The following KRT80 variants were observed in gnomAD, a reference collection of about 807,000 sequenced individuals.
The protein encoded by KRT80 is keratin, type II cytoskeletal 80.
A neutral mutation model predicts 51.5 loss-of-function variants in KRT80; 36 were observed. The ratio of observed to expected loss-of-function variants is 0.70; its 90% CI spans 0.54 to 0.92. The LOEUF is 0.92. KRT80 is among the 40% of genes least tolerant of loss of function. The pLI is 0.00. For synonymous variants in KRT80, 235 were observed against 248.3 expected (o/e 0.95, Z 0.50); for missense variants, 566 against 591.7 (o/e 0.96, Z 0.45).
intron 2 of KRT80, among the ~76,000 whole-genome samples, chr12:52,183,398 G>A (rs1432634918): frequency 2.6e-5 from 4 of 152,188 alleles, no homozygotes; most frequent in Non-Finnish European, 5.9e-5. Flanking sequence ...CATCGGCTCC[G>A]TAGAGACAGG....
intron 6 of KRT80, 81 bp downstream of exon 6, chr12:52,172,957 G>A (rs200234712): frequency 2.7e-5 from 40 of 1,501,564 alleles, no homozygotes; most frequent in Non-Finnish European, 3.5e-5. Flanking sequence ...ACTCAGTCAT[G>A]TCTTGCCTGT....
intron 4 of KRT80, among the ~76,000 whole-genome samples, chr12:52,178,094 C>T (rs922172081): frequency 3.9e-5 from 6 of 152,174 alleles, no homozygotes; most frequent in Admixed American, 2.6e-4. Flanking sequence ...CCCTCTTAGC[C>T]TGCAGCAGTG....
rs202009004 is a variant in KRT80 at position 52,171,437 on chromosome 12, T to A, written c.1320A>T (p.Ser440=). Residue 440 remains serine, a synonymous_variant, in exon 9 of 9, where the codon TCA becomes TCT. Transcript: ENST00000394815. ...KGPVIKITEM[S]EKYFSQESEV... ...CCGACTCCTGCGAGAAGTACTTCTC[T>A]GACATTTCGGTGATTTTGATCACGG... 1 of 1,611,868 alleles carries A rather than the reference T, an allele frequency of 6.2e-7. No homozygotes were observed. The highest frequency in any genetic ancestry group is 1.3e-5 in the African/African-American group (1 of 74,788).
At chr12:52,187,488 C>A (rs373812554) in intron 1 of KRT80, among the ~76,000 whole-genome samples, 1 of 152,230 alleles carries the variant, frequency 6.6e-6, no homozygotes, top group Non-Finnish European at 1.5e-5. Context: ...TCAGGTGGGG[C>A]CAGCCCCTCT....
intron 4 of KRT80, among the ~76,000 whole-genome samples, chr12:52,179,722 C>T (rs1267972219): frequency 6.6e-6 from 1 of 152,238 alleles, no homozygotes; most frequent in Non-Finnish European, 1.5e-5. Context: ...TAGCTTGGCA[C>T]CAGCAGTGTG....
rs1241464960 is a variant in KRT80, at chr12:52,190,223, A to G, written c.300+1380T>C. On this transcript the variant is annotated intron_variant, in intron 1 of 8. Coordinates refer to ENST00000394815, the MANE Select transcript of KRT80 (RefSeq NM_182507.3). Reference sequence around the variant, plus strand: ...CACATGAATGGAAGAAGGAAAGAAAAGATTCCCACCACAGAGACCACTGAC... The same window carrying G: ...CACATGAATGGAAGAAGGAAAGAAAGGATTCCCACCACAGAGACCACTGAC... Among the ~76,000 whole-genome samples, 6 of 152,172 alleles carry G rather than the reference A, an allele frequency of 3.9e-5. No individual in the cohort carries two copies. The East Asian group carries it at 1.2e-3, about 29-fold the overall frequency.
rs1941159333 is a variant in KRT80, at chr12:52,173,599, C to G, written c.831+1G>C. ...CTCGTGCCCTGTGTGGTCAGCCCCACCTGGCTCCGAGAGTATGCCTCGGCC... is the reference window on the plus strand; with the variant it reads ...CTCGTGCCCTGTGTGGTCAGCCCCAGCTGGCTCCGAGAGTATGCCTCGGCC... On this transcript the variant is annotated splice_donor_variant, in intron 5 of 8. Coordinates refer to ENST00000394815, the MANE Select transcript of KRT80 (RefSeq NM_182507.3). LOFTEE classifies it high-confidence loss of function. 6.2e-7 allele frequency: 1 copy of G among 1,612,262 alleles called. No individual in the cohort carries two copies. The highest frequency in any genetic ancestry group is 8.5e-7 in the Non-Finnish European group (1 of 1,179,844).
chr12:52,181,895 G>A (rs1318275135), intron 2 of KRT80, among the ~76,000 whole-genome samples: 5 of 152,188 alleles, frequency 3.3e-5, no homozygotes, highest in Admixed American at 2.0e-4. Context: ...CCTCCTATTC[G>A]GGGAATGCCT....
chr12:52,177,093 A>G (rs1941238684), intron 4 of KRT80, among the ~76,000 whole-genome samples: 1 of 152,194 alleles, frequency 6.6e-6, no homozygotes. Flanking sequence ...AGCTGTTCAA[A>G]ATCTGTGCTC....
In KRT80 at chr12:52,171,730, GGGGGGT is replaced by G; in HGVS notation, c.1179-23_1179-18del. The stretch of plus-strand genomic sequence containing the variant: ...GAGTCCATCCTGGGGGTGGGGGACG[GGGGGGT>G]GGGAGAGGGATATGATGGGATGCGA... On this transcript the variant is annotated intron_variant, in intron 7 of 8. Coordinates refer to ENST00000394815, the MANE Select transcript of KRT80 (RefSeq NM_182507.3). 1.4e-6 allele frequency: 2 copies of G among 1,436,474 alleles called. No homozygotes were observed. The highest frequency in any genetic ancestry group is 1.9e-6 in the Non-Finnish European group (2 of 1,042,280). 89.0% of individuals were successfully genotyped at this position (1,436,474 alleles called of 1,614,324 possible).
chr12:52,180,851 A>G (rs1941308509), intron 3 of KRT80, 52 bp downstream of exon 3: 1 of 1,611,070 alleles, frequency 6.2e-7, no homozygotes, highest in Non-Finnish European at 8.5e-7. Context: ...GGAGGGAAAG[A>G]GGGCCCAGGG....
At chr12:52,171,957 A>G (rs1046205866) in intron 7 of KRT80, among the ~76,000 whole-genome samples, 27 of 152,006 alleles carry the variant, frequency 1.8e-4, no homozygotes, top group African/African-American at 6.5e-4. Context: ...TTGCAGGCAT[A>G]ATCACATGAA....
intron 4 of KRT80, among the ~76,000 whole-genome samples, chr12:52,177,635 CTGTG>C (rs34730614): frequency 0.42 from 62,684 of 147,918 alleles, 14,289 homozygotes; most frequent in Non-Finnish European, 0.51. Flanking sequence ...TGTATCTTGG[CTGTG>C]TGTGTGTGTG....
chr12:52,186,488 A>G (rs369908131), intron 1 of KRT80, among the ~76,000 whole-genome samples: 2 of 151,800 alleles, frequency 1.3e-5, no homozygotes, highest in African/African-American at 2.4e-5. Context: ...TCCCTGCAGC[A>G]CCCCCATGGG....
chr12:52,177,925 AT>A (rs1941259160), intron 4 of KRT80, among the ~76,000 whole-genome samples: 1 of 152,158 alleles, frequency 6.6e-6, no homozygotes, highest in East Asian at 1.9e-4. Flanking sequence ...ATTGGGCTAA[AT>A]AAAATATATT....
rs931646223 is a variant in KRT80, at chr12:52,173,846, G to A, written c.667-82C>T. On this transcript the variant is annotated intron_variant, in intron 4 of 8. Transcript: ENST00000394815. ...AGCCCCACACAGTCACTTTGTCCCCGGGGTGAGCGGAGAGTGGAGCTGCTC... is the reference window on the plus strand; with the variant it reads ...AGCCCCACACAGTCACTTTGTCCCCAGGGTGAGCGGAGAGTGGAGCTGCTC... The A allele has an allele frequency of 2.7e-5, 38 of 1,406,778 alleles. No individual in the cohort carries two copies. The East Asian group carries it at 4.9e-4, about 18-fold the overall frequency. 87.1% of individuals were successfully genotyped at this position (1,406,778 alleles called of 1,614,324 possible). A position where few individuals can be genotyped will look rare whatever the true frequency, so the allele number is the denominator to read the frequency against.
At chr12:52,179,868 G>A (rs1941292076) in intron 4 of KRT80, among the ~76,000 whole-genome samples, 2 of 152,206 alleles carry the variant, frequency 1.3e-5, no homozygotes, top group African/African-American at 4.8e-5. Context: ...AACAAGTGGT[G>A]TGGAGAGGAG....
intron 2 of KRT80, among the ~76,000 whole-genome samples, chr12:52,185,143 C>T (rs1267033316): frequency 2.0e-5 from 3 of 152,200 alleles, no homozygotes; most frequent in Non-Finnish European, 4.4e-5. Context: ...GGAGCCAGCA[C>T]AAGATTGACT....
At chr12:52,175,438 C>T (rs766549869) in intron 4 of KRT80, among the ~76,000 whole-genome samples, 14 of 152,022 alleles carry the variant, frequency 9.2e-5, no homozygotes, top group South Asian at 2.1e-4. Flanking sequence ...TGACTCTGGG[C>T]GCCCTCCTGA....
Sources: gnomAD v4.1 joint callset for allele counts (sites outside exome capture counted in the v4.1 genomes callset) on GRCh38, gnomAD v4.1.1 for gene constraint, MANE v1.5 for transcripts, NCBI Gene and HGNC (gene_info 2026-07-23, HGNC 2026-07-21) for gene names.